MDGA2: variants seen among roughly 807,000 people sequenced by gnomAD.
MDGA2 encodes MAM domain-containing glycosylphosphatidylinositol anchor protein 2.
Under a neutral mutation model 117.8 loss-of-function variants are expected in MDGA2, and 40 were observed. That is an observed-to-expected ratio of 0.34 (90% CI 0.26 to 0.44). The LOEUF (loss-of-function observed/expected upper bound fraction) is 0.44. MDGA2 is among the 20% of genes least tolerant of loss of function. The pLI, the probability that MDGA2 is intolerant of heterozygous loss-of-function variation, is 1.00. For synonymous variants in MDGA2, 452 were observed against 439.0 expected, an observed-to-expected ratio of 1.03 and a Z score of -0.37; for missense variants, 1,123 against 1,250.6, an observed-to-expected ratio of 0.90 and a Z score of 1.54.
chr14:47,640,984 G>A (rs916257140), intron 1 of MDGA2, among the ~76,000 whole-genome samples: 3 of 151,804 alleles, frequency 2.0e-5, no homozygotes, highest in Non-Finnish European at 2.9e-5. Flanking sequence ...AAGCAAGTTC[G>A]CAATGATTTC....
intron 6 of MDGA2, among the ~76,000 whole-genome samples, chr14:47,093,322 A>C (rs528759663): frequency 6.6e-6 from 1 of 152,264 alleles, no homozygotes; most frequent in African/African-American, 2.4e-5. Context: ...CTATACACTA[A>C]AATACAGTAA....
chr14:46,906,017 ATGT>A (rs1883478313), intron 10 of MDGA2, among the ~76,000 whole-genome samples: 1 of 151,956 alleles, frequency 6.6e-6, no homozygotes, highest in Admixed American at 6.6e-5. Context: ...TTACAATGGC[ATGT>A]TGTCATTATA....
chr14:47,327,201 T>C (rs527938344), intron 1 of MDGA2, among the ~76,000 whole-genome samples: 61 of 152,284 alleles, frequency 4.0e-4, no homozygotes, highest in African/African-American at 1.4e-3. Context: ...CCCCAACCTC[T>C]TCTCTTCCTA....
At chr14:47,293,050 T>A (rs374333300) in intron 2 of MDGA2, among the ~76,000 whole-genome samples, 1 of 152,150 alleles carries the variant, frequency 6.6e-6, no homozygotes, top group South Asian at 2.1e-4. Context: ...CCTTGTTCTA[T>A]GGTAGCATCT....
intron 1 of MDGA2, among the ~76,000 whole-genome samples, chr14:47,438,076 G>A (rs1892932888): frequency 1.3e-5 from 2 of 152,082 alleles, no homozygotes; most frequent in South Asian, 2.1e-4. Flanking sequence ...AGACTTAATT[G>A]TTATAATCCA....
chr14:46,958,741 A>C (rs1885663212), intron 8 of MDGA2, among the ~76,000 whole-genome samples: 1 of 152,216 alleles, frequency 6.6e-6, no homozygotes, highest in Non-Finnish European at 1.5e-5. Flanking sequence ...TTCATTTCCA[A>C]ACATATGGGT....
chr14:47,487,565 T>C (rs1894086149), intron 1 of MDGA2, among the ~76,000 whole-genome samples: 1 of 152,238 alleles, frequency 6.6e-6, no homozygotes, highest in Non-Finnish European at 1.5e-5. Context: ...TAATATTCAA[T>C]ATTCCTAGCA....
In MDGA2 at chr14:47,643,795, G is replaced by A. The variant is rs536163832; in HGVS notation, c.280+30722C>T. ...TAAATTTAGGAACAACCAAGGCCAG[G>A]ATTTTTAAATGGCATAGATTCTCCA... On this transcript the variant is annotated intron_variant, in intron 1 of 16. Transcript: ENST00000399232. Among the ~76,000 whole-genome samples the A allele has an allele frequency of 5.3e-5, 8 of 152,100 alleles. 1 individual carries two copies. In the South Asian group the frequency reaches 1.7e-3, roughly 32 times the overall value.
chr14:47,274,930 T>G (rs1209982261), intron 2 of MDGA2, among the ~76,000 whole-genome samples: 3 of 152,134 alleles, frequency 2.0e-5, no homozygotes, highest in Admixed American at 6.6e-5. Context: ...TACTATTGAG[T>G]TGTAAGAGTT....
chr14:47,464,962 C>T (rs1468216554), intron 1 of MDGA2, among the ~76,000 whole-genome samples: 1 of 152,038 alleles, frequency 6.6e-6, no homozygotes. Context: ...TACTAAAGGG[C>T]CACAGTAACC....
At chr14:46,895,211 C>T (rs1883028144) in intron 10 of MDGA2, among the ~76,000 whole-genome samples, 1 of 152,138 alleles carries the variant, frequency 6.6e-6, no homozygotes, top group Admixed American at 6.6e-5. Flanking sequence ...GTAATTGAAT[C>T]AGGGGGGCAG....
intron 7 of MDGA2, among the ~76,000 whole-genome samples, chr14:47,038,435 T>A (rs932807375): frequency 5.9e-5 from 9 of 152,210 alleles, no homozygotes; most frequent in Non-Finnish European, 1.2e-4. Context: ...ATAATTTTTT[T>A]AAATGTTATC....
At chr14:47,073,390 A>C (rs1037383224) in intron 6 of MDGA2, among the ~76,000 whole-genome samples, 1 of 152,156 alleles carries the variant, frequency 6.6e-6, no homozygotes, top group African/African-American at 2.4e-5. Flanking sequence ...ATAGAGCCTC[A>C]ATCTCCCAAA....
At chr14:47,534,043 G>A (rs983784523) in intron 1 of MDGA2, among the ~76,000 whole-genome samples, 1 of 152,130 alleles carries the variant, frequency 6.6e-6, no homozygotes, top group African/African-American at 2.4e-5. Context: ...AAATGGGTCT[G>A]GATATGTGTA....
chr14:47,657,810 C>T (rs547022141), intron 1 of MDGA2, among the ~76,000 whole-genome samples: 1 of 152,324 alleles, frequency 6.6e-6, no homozygotes, highest in Non-Finnish European at 1.5e-5. Context: ...GAAGGAGCAG[C>T]ATTAATTCAG....
chr14:47,185,313 T>C (rs1884866604), intron 3 of MDGA2, among the ~76,000 whole-genome samples: 1 of 151,400 alleles, frequency 6.6e-6, no homozygotes, highest in Admixed American at 6.6e-5. Context: ...AATGAAAAAC[T>C]ATATGCCAGG....
chr14:47,089,130 G>A lies in MDGA2; in HGVS notation c.1195+7724C>T, dbSNP rs545010270. Among the ~76,000 whole-genome samples, 25 of 152,148 alleles carry A rather than the reference G, an allele frequency of 1.6e-4. 1 individual carries two copies. Among genetic ancestry groups the A allele is most frequent in the African/African-American group, 5.3e-4 (22 of 41,534 alleles). On this transcript the variant is annotated intron_variant, in intron 6 of 16. Coordinates refer to ENST00000399232, the MANE Select transcript of MDGA2 (RefSeq NM_001113498.3). Reference sequence around the variant, plus strand: ...TATAAAAAGAAGGGATTCCGAATCTGGAAAGAATCCCTAGTACATCTTTGG... The same window carrying A: ...TATAAAAAGAAGGGATTCCGAATCTAGAAAGAATCCCTAGTACATCTTTGG...
intron 1 of MDGA2, among the ~76,000 whole-genome samples, chr14:47,319,941 A>T (rs1194527775): frequency 6.6e-6 from 1 of 152,182 alleles, no homozygotes; most frequent in African/African-American, 2.4e-5. Context: ...ATACATATAC[A>T]GATGTTCTTG....
At chr14:47,278,298 T>C (rs1350090263) in intron 2 of MDGA2, among the ~76,000 whole-genome samples, 1 of 152,160 alleles carries the variant, frequency 6.6e-6, no homozygotes, top group Non-Finnish European at 1.5e-5. Flanking sequence ...TATTTTTAAA[T>C]TGACAAATAA....
Sources: allele counts gnomAD v4.1 joint callset (sites outside exome capture counted in the v4.1 genomes callset), GRCh38; gene constraint gnomAD v4.1.1; transcripts MANE v1.5; gene names NCBI Gene and HGNC (gene_info 2026-07-23, HGNC 2026-07-21).